Variants in BRD7 observed in about 807,000 individuals in gnomAD.
The protein encoded by BRD7 is bromodomain containing 7, also known as bromodomain-containing protein 7.
Under a neutral mutation model 82.1 loss-of-function variants are expected in BRD7, and 15 were observed. The ratio of observed to expected loss-of-function variants is 0.18; its 90% CI spans 0.12 to 0.28. BRD7 has a LOEUF of 0.28. Ranked by LOEUF, BRD7 falls within the 10% of genes least tolerant of loss-of-function variation. BRD7 has a pLI of 1.00. For missense variants in BRD7, 638 were observed against 779.9 expected (o/e 0.82, Z 2.17); for synonymous variants, 232 against 266.9 (o/e 0.87, Z 1.27).
At chr16:50,340,998 A>C (rs2038024018) in intron 5 of BRD7, among the ~76,000 whole-genome samples, 1 of 152,230 alleles carries the variant, frequency 6.6e-6, no homozygotes, top group Admixed American at 6.5e-5. Flanking sequence ...CTTAAATAGA[A>C]CAAAAATAAG....
chr16:50,366,484 T>C (rs1036093440), intron 2 of BRD7, among the ~76,000 whole-genome samples: 1 of 152,226 alleles, frequency 6.6e-6, no homozygotes, highest in Non-Finnish European at 1.5e-5. Flanking sequence ...AAAGCAATGA[T>C]CTAACTAGTT....
chr16:50,357,754 G>A (rs1247140736), intron 2 of BRD7, among the ~76,000 whole-genome samples: 2 of 152,170 alleles, frequency 1.3e-5, no homozygotes, highest in Non-Finnish European at 2.9e-5. Flanking sequence ...GCTGAGGCAG[G>A]TGTACCACTT....
Position 50,336,606 on chromosome 16 carries a change from G to A in BRD7, c.703-1711C>T, listed in dbSNP as rs532165735. Reference sequence around the variant, plus strand: ...CAAAAAACACAAACAACAACAAAAAGCAATCTTATTTGATTTTTAAAAACA... The same window carrying A: ...CAAAAAACACAAACAACAACAAAAAACAATCTTATTTGATTTTTAAAAACA... On this transcript the variant is annotated intron_variant, in intron 6 of 16. Transcript: ENST00000394688. 9.9e-5 allele frequency among the ~76,000 whole-genome samples: 15 copies of A among 152,146 alleles called. No individual in the cohort carries two copies. The East Asian group carries it at 1.7e-3, about 18-fold the overall frequency.
At chr16:50,364,599 A>G (rs1044872450) in intron 2 of BRD7, among the ~76,000 whole-genome samples, 4 of 152,204 alleles carry the variant, frequency 2.6e-5, no homozygotes, top group South Asian at 2.1e-4. Context: ...TGACATCAAA[A>G]TACAATGGGA....
intron 8 of BRD7, 133 bp from the exon 9 acceptor site, chr16:50,328,877 A>G: frequency 1.5e-6 from 1 of 674,410 alleles, no homozygotes; most frequent in Non-Finnish European, 2.5e-6. Context: ...ATTTACATAT[A>G]CATAATGAGA....
intron 8 of BRD7, among the ~76,000 whole-genome samples, chr16:50,332,727 C>A (rs2037620362): frequency 6.6e-6 from 1 of 152,108 alleles, no homozygotes; most frequent in African/African-American, 2.4e-5. Context: ...ACAGAATCAA[C>A]CTAGGTGCCC....
At chr16:50,345,914 C>T (rs1464183125) in intron 5 of BRD7, among the ~76,000 whole-genome samples, 5 of 152,172 alleles carry the variant, frequency 3.3e-5, no homozygotes, top group Non-Finnish European at 5.9e-5. Context: ...CTGCACCAAG[C>T]AGACCTAATA....
intron 4 of BRD7, among the ~76,000 whole-genome samples, chr16:50,353,557 TGAG>T (rs2038618145): frequency 6.6e-6 from 1 of 152,016 alleles, no homozygotes; most frequent in Non-Finnish European, 1.5e-5. Flanking sequence ...ATTTAAACTC[TGAG>T]TAGAGAGATA....
At chr16:50,360,257 C>T (rs765266206) in intron 2 of BRD7, among the ~76,000 whole-genome samples, 1 of 152,198 alleles carries the variant, frequency 6.6e-6, no homozygotes, top group Non-Finnish European at 1.5e-5. Context: ...TAGGAGACAG[C>T]ATGACATAGG....
At chr16:50,347,761 G>A (rs917747085) in intron 5 of BRD7, among the ~76,000 whole-genome samples, 5 of 152,118 alleles carry the variant, frequency 3.3e-5, no homozygotes, top group South Asian at 2.1e-4. Context: ...AAATAAAAGA[G>A]GATACAAACA....
chr16:50,346,995 G>A (rs573148055), intron 5 of BRD7, among the ~76,000 whole-genome samples: 5 of 152,262 alleles, frequency 3.3e-5, no homozygotes, highest in South Asian at 2.1e-4. Flanking sequence ...GATGAACATC[G>A]ATGCAAAAAT....
intron 5 of BRD7, 69 bp downstream of exon 5, chr16:50,349,952 TGA>T: frequency 7.6e-7 from 1 of 1,310,960 alleles, no homozygotes; most frequent in South Asian, 1.8e-5. Context: ...AAAAGGTCAA[TGA>T]GAAAGATTCT....
At chr16:50,324,175 T>C (rs138685248) in intron 11 of BRD7, among the ~76,000 whole-genome samples, 2 of 152,210 alleles carry the variant, frequency 1.3e-5, no homozygotes, top group East Asian at 1.9e-4. Flanking sequence ...TCTCGGTAAA[T>C]AGCAACTGCA....
rs753630628 is a variant in BRD7 at position 50,334,738 on chromosome 16, A to C, written c.860T>G (p.Phe287Cys). ...EDSGDAEAHA[F>C]KSPSKENKKK... ...TTTATTTTCTTTGCTGGGACTCTTG[A>C]AGGCGTGTGCTTCGGCATCTCCAGA... The change falls in exon 7 of 17, where the codon TTC becomes TGC. Residue 287 changes from phenylalanine to cysteine, a missense_variant. Phe to Cys is a radical substitution (Grantham distance 205, BLOSUM62 -2). This residue lies in a region of BRD7 where 402 missense variants were observed against 500.8 expected (regional missense o/e 0.80). Coordinates refer to ENST00000394688, the MANE Select transcript of BRD7 (RefSeq NM_013263.5). 6.2e-7 allele frequency: 1 copy of C among 1,613,856 alleles called. No individual in the cohort carries two copies.
intron 2 of BRD7, among the ~76,000 whole-genome samples, chr16:50,363,009 C>T (rs529954347): frequency 5.3e-5 from 8 of 151,564 alleles, no homozygotes; most frequent in Admixed American, 2.0e-4. Context: ...GTACATAAAG[C>T]GCTCAGCACA....
Position 50,322,046 on chromosome 16 carries a change from G to A in BRD7, c.1444-8C>T, listed in dbSNP as rs1010034877. The A allele has an allele frequency of 1.5e-5, 24 of 1,592,178 alleles. No homozygotes were observed. Among genetic ancestry groups the A allele is most frequent in the Non-Finnish European group, 2.0e-5 (24 of 1,174,796 alleles). Reference sequence around the variant, plus strand: ...TTCATCTTCAGGCAATGACTATAAGGATGAAGAAAAACAGCTTTTTAGGAA... The same window carrying A: ...TTCATCTTCAGGCAATGACTATAAGAATGAAGAAAAACAGCTTTTTAGGAA... On this transcript the variant is annotated splice_polypyrimidine_tract_variant and splice_region_variant and intron_variant, in intron 12 of 16. Coordinates refer to ENST00000394688, the MANE Select transcript of BRD7 (RefSeq NM_013263.5).
In BRD7 at chr16:50,316,699, G is replaced by GTCTT. The variant is rs1350172614; in HGVS notation, c.*2508_*2511dup. ...GCAAAAAGCCAGGTTTTGGGGATGT[G>GTCTT]TCTTACTGTGCTTCAACTTCCCAAG... On this transcript the variant is annotated 3_prime_UTR_variant, in exon 17 of 17. Transcript: ENST00000394688. 4 of 152,326 alleles carry GTCTT rather than the reference G, an allele frequency of 2.6e-5. No homozygotes were observed. Among genetic ancestry groups the GTCTT allele is most frequent in the African/African-American group, 9.7e-5 (4 of 41,432 alleles). 9.4% of individuals were successfully genotyped at this position (152,326 alleles called of 1,614,324 possible).
intron 2 of BRD7, among the ~76,000 whole-genome samples, chr16:50,364,277 C>T (rs1437681555): frequency 1.3e-5 from 2 of 152,128 alleles, no homozygotes; most frequent in Non-Finnish European, 2.9e-5. Context: ...ATACTCTAGC[C>T]CTTCTTTCTC....
chr16:50,349,834 CA>C (rs1386864749), intron 5 of BRD7, among the ~76,000 whole-genome samples, 188 bp downstream of exon 5: 1 of 152,118 alleles, frequency 6.6e-6, no homozygotes, highest in Non-Finnish European at 1.5e-5. Flanking sequence ...TGAAAGATAT[CA>C]GAGGACCTAT....
Sources: gnomAD v4.1 joint callset for allele counts (sites outside exome capture counted in the v4.1 genomes callset) on GRCh38, gnomAD v4.1.1 for gene constraint, gnomAD v4.1.1 regional missense constraint, MANE v1.5 for transcripts, NCBI Gene and HGNC (gene_info 2026-07-23, HGNC 2026-07-21) for gene names.